Variants in ITPR1 observed in about 807,000 individuals in gnomAD.
ITPR1 encodes the protein inositol 1,4,5-trisphosphate receptor type 1.
A neutral mutation model predicts 318.4 loss-of-function variants in ITPR1; 96 were observed. That is an observed-to-expected ratio of 0.30 (90% CI 0.26 to 0.36). The LOEUF (loss-of-function observed/expected upper bound fraction) is 0.36, where lower values mean the gene tolerates loss of function less well. Among genes scored for constraint, ITPR1 ranks in the 10% least tolerant of loss-of-function variants. The pLI is 1.00. For synonymous variants in ITPR1, 1,312 were observed against 1,289.9 expected, an observed-to-expected ratio of 1.02 and a Z score of -0.37; for missense variants, 2,440 against 3,460.2, an observed-to-expected ratio of 0.71 and a Z score of 7.40.
chr3:4,607,426 G>T (rs2091779390), intron 4 of ITPR1, among the ~76,000 whole-genome samples: 1 of 152,104 alleles, frequency 6.6e-6, no homozygotes, highest in African/African-American at 2.4e-5. Context: ...TTCCACCCAG[G>T]TCCGTGTGTT....
At chr3:4,770,229 G>A (rs1550559) in intron 46 of ITPR1, among the ~76,000 whole-genome samples, 35,791 of 152,136 alleles carry the variant, frequency 0.24, 5,075 homozygotes, top group Middle Eastern at 0.4. Context: ...GTCACACCTC[G>A]ATTGTGGCTA....
intron 44 of ITPR1, among the ~76,000 whole-genome samples, chr3:4,761,774 C>T (rs1239704911): frequency 2.6e-5 from 4 of 152,170 alleles, no homozygotes; most frequent in South Asian, 2.1e-4. Flanking sequence ...GGAGGCTGTG[C>T]ACCCACCTTC....
intron 2 of ITPR1, among the ~76,000 whole-genome samples, chr3:4,499,839 G>A (rs2080885986): frequency 6.6e-6 from 1 of 152,176 alleles, no homozygotes; most frequent in Non-Finnish European, 1.5e-5. Flanking sequence ...GTCTCACTAT[G>A]TTGCCTCGGC....
At chr3:4,554,647 C>T (rs2085941194) in intron 4 of ITPR1, among the ~76,000 whole-genome samples, 1 of 151,984 alleles carries the variant, frequency 6.6e-6, no homozygotes. Flanking sequence ...AGCAGATGGG[C>T]AGAGACTGAG....
At chr3:4,761,822 C>A (rs1422315606) in intron 44 of ITPR1, among the ~76,000 whole-genome samples, 1 of 152,204 alleles carries the variant, frequency 6.6e-6, no homozygotes, top group Non-Finnish European at 1.5e-5. Context: ...GGAGACAGTC[C>A]TGAGGAGAAC....
chr3:4,534,150 C>T (rs2083653385), intron 4 of ITPR1, among the ~76,000 whole-genome samples: 1 of 152,166 alleles, frequency 6.6e-6, no homozygotes. Context: ...GATACAAGTG[C>T]AGTTTTGTTA....
intron 4 of ITPR1, among the ~76,000 whole-genome samples, chr3:4,621,481 A>C (rs1000296829): frequency 6.6e-6 from 1 of 152,098 alleles, no homozygotes; most frequent in Non-Finnish European, 1.5e-5. Context: ...CCACCTCCAA[A>C]CTGGGGATTA....
At chr3:4,830,372 A>C (rs1408623090) in intron 60 of ITPR1, among the ~76,000 whole-genome samples, 5 of 151,948 alleles carry the variant, frequency 3.3e-5, no homozygotes, top group Non-Finnish European at 7.4e-5. Context: ...TTGTTTTTGG[A>C]GGGTTTAGGT....
intron 33 of ITPR1, among the ~76,000 whole-genome samples, chr3:4,695,396 C>G (rs551367047): frequency 6.6e-6 from 1 of 151,370 alleles, no homozygotes; most frequent in East Asian, 2.0e-4. Flanking sequence ...GTTTTTTACT[C>G]TTTTTTATTT....
At chr3:4,643,603 G>T (rs1175336864) in intron 7 of ITPR1, among the ~76,000 whole-genome samples, 1 of 151,574 alleles carries the variant, frequency 6.6e-6, no homozygotes, top group Admixed American at 6.6e-5. Flanking sequence ...TTTTTTGGGG[G>T]GGGGGTAACT....
At chr3:4,723,970 A>C (rs942480918) in intron 40 of ITPR1, among the ~76,000 whole-genome samples, 1 of 152,236 alleles carries the variant, frequency 6.6e-6, no homozygotes, top group Non-Finnish European at 1.5e-5. Flanking sequence ...ATTCTTTAGC[A>C]TACAGAATGT....
chr3:4,654,651 G>C (rs972618975), intron 12 of ITPR1, among the ~76,000 whole-genome samples: 3 of 152,230 alleles, frequency 2.0e-5, no homozygotes, highest in African/African-American at 4.8e-5. Context: ...GATGATCTCA[G>C]CAGTGGGCAT....
intron 4 of ITPR1, among the ~76,000 whole-genome samples, chr3:4,566,304 A>G (rs150359502): frequency 6.6e-6 from 1 of 152,250 alleles, no homozygotes; most frequent in East Asian, 1.9e-4. Context: ...TGCTTTTCAG[A>G]TGGACAGTTA....
At chr3:4,839,988 T>A in intron 61 of ITPR1, among the ~76,000 whole-genome samples, 1 of 150,552 alleles carries the variant, frequency 6.6e-6, no homozygotes, top group Admixed American at 6.7e-5. Flanking sequence ...CTACTTAAGT[T>A]TTAAGGTACT....
intron 45 of ITPR1, 89 bp downstream of exon 45, chr3:4,766,799 T>C: frequency 9.5e-7 from 1 of 1,049,960 alleles, no homozygotes; most frequent in Non-Finnish European, 1.3e-6. Flanking sequence ...TTCTGTGCTC[T>C]AAAATGCATT....
intron 26 of ITPR1, among the ~76,000 whole-genome samples, chr3:4,681,623 A>ATGTGTGTGTG (rs2094300853): frequency 2.3e-5 from 1 of 42,628 alleles, no homozygotes; most frequent in Non-Finnish European, 4.4e-5. Flanking sequence ...GAGAGAGAGA[A>ATGTGTGTGTG]AGTGTGTGTG....
At chr3:4,675,935 G>T (rs1026350274) in intron 23 of ITPR1, among the ~76,000 whole-genome samples, 1 of 152,146 alleles carries the variant, frequency 6.6e-6, no homozygotes, top group South Asian at 2.1e-4. Flanking sequence ...TAGATGAGGA[G>T]ACTGAGGCTT....
At chr3:4,628,962 C>T (rs760932934) in intron 5 of ITPR1, among the ~76,000 whole-genome samples, 37 of 152,170 alleles carry the variant, frequency 2.4e-4, no homozygotes, top group African/African-American at 7.5e-4. Flanking sequence ...GTGAGGGTCA[C>T]GTGAAGGGAG....
chr3:4,836,875 G>A lies in ITPR1; in HGVS notation c.8130G>A (p.Leu2710=), dbSNP rs754793884. ...AGCTGAGAAACCTGCAGGAGAAGCT[G>A]GAGTCCACCATGAAACTTGTCACGA... is the stretch of plus-strand genomic sequence containing the variant. ...QNELRNLQEK[L]ESTMKLVTNL... is the part of the protein sequence containing the mutation. Residue 2710 remains leucine, a synonymous_variant, in exon 61 of 62, where the codon CTG becomes CTA. Transcript: ENST00000649015. 6 of 1,596,842 alleles carry A rather than the reference G, an allele frequency of 3.8e-6. No individual in the cohort carries two copies. The highest frequency in any genetic ancestry group is 5.1e-6 in the Non-Finnish European group (6 of 1,167,986).
Sources: gnomAD v4.1 joint callset for allele counts (sites outside exome capture counted in the v4.1 genomes callset) on GRCh38, gnomAD v4.1.1 for gene constraint, MANE v1.5 for transcripts, NCBI Gene and HGNC (gene_info 2026-07-23, HGNC 2026-07-21) for gene names.